The following PMM2 variants were observed in gnomAD, a reference collection of about 807,000 sequenced individuals.
PMM2 encodes the protein phosphomannomutase 2.
A neutral mutation model predicts 33.2 loss-of-function variants in PMM2; 35 were observed. The observed-to-expected ratio is 1.06, with a 90% CI of 0.81 to 1.40. The LOEUF is 1.40. PMM2 is among the 40% of genes most tolerant of loss of function. PMM2 has a pLI of 0.00. For missense variants in PMM2, 386 were observed against 306.0 expected (o/e 1.26, Z -1.95); for synonymous variants, 153 against 114.7 (o/e 1.33, Z -2.13).
intron 7 of PMM2, among the ~76,000 whole-genome samples, chr16:8,821,335 G>A (rs927580713): frequency 2.0e-5 from 3 of 152,160 alleles, no homozygotes; most frequent in Admixed American, 1.3e-4. Context: ...TGGGAGCCAC[G>A]AGCTTCAGAT....
chr16:8,835,241 AGTT>A (rs1020571695), intron 7 of PMM2, among the ~76,000 whole-genome samples: 113 of 151,200 alleles, frequency 7.5e-4, no homozygotes, highest in African/African-American at 2.6e-3. Context: ...GAAGGAAGGG[AGTT>A]GTTGTTTTGT....
chr16:8,805,709 C>T (rs1184096902), intron 3 of PMM2, among the ~76,000 whole-genome samples: 2 of 152,056 alleles, frequency 1.3e-5, no homozygotes, highest in Non-Finnish European at 2.9e-5. Context: ...TCTTGTGCCT[C>T]AGCCTCCCTA....
rs552622761 is a variant in PMM2 at position 8,803,988 on chromosome 16, A to C, written c.179-779A>C. Among the ~76,000 whole-genome samples, 8 of 148,482 alleles carry C rather than the reference A, an allele frequency of 5.4e-5. No homozygotes were observed. In the South Asian group the frequency reaches 1.7e-3, roughly 32 times the overall value. On this transcript the variant is annotated intron_variant, in intron 2 of 7. Coordinates refer to ENST00000268261, the MANE Select transcript of PMM2 (RefSeq NM_000303.3). ...CATGAGTCACCGTGCCTGGCCACCA[A>C]AGGTCTTTTAGTGCTTTGTTTTTTG...
intron 1 of PMM2, among the ~76,000 whole-genome samples, chr16:8,800,157 G>A (rs1322761347): frequency 6.6e-6 from 1 of 151,976 alleles, no homozygotes; most frequent in Admixed American, 6.6e-5. Flanking sequence ...TCAGGAGTTC[G>A]AGACCAGCCT....
At chr16:8,836,174 C>A (rs998764319) in intron 7 of PMM2, among the ~76,000 whole-genome samples, 4 of 151,688 alleles carry the variant, frequency 2.6e-5, no homozygotes, top group Non-Finnish European at 5.9e-5. Context: ...GGGTAGCCTC[C>A]GTATTGATTA....
At chr16:8,814,626 A>G (rs995602741) in intron 7 of PMM2, among the ~76,000 whole-genome samples, 3 of 152,202 alleles carry the variant, frequency 2.0e-5, no homozygotes, top group Non-Finnish European at 2.9e-5. Context: ...AGGGTAAGGG[A>G]TTTGCCGAAG....
chr16:8,802,421 C>T, intron 2 of PMM2: 1 of 392,526 alleles, frequency 2.5e-6, no homozygotes, highest in African/African-American at 2.1e-5. Flanking sequence ...TAGTGTACAA[C>T]CTTGCTAATG....
At chr16:8,818,357 C>T (rs1055367763) in intron 7 of PMM2, among the ~76,000 whole-genome samples, 1 of 152,214 alleles carries the variant, frequency 6.6e-6, no homozygotes, top group Admixed American at 6.5e-5. Context: ...CATCCCTGAT[C>T]CTTTTCGTCA....
chr16:8,824,936 T>C (rs1018287681), intron 7 of PMM2, among the ~76,000 whole-genome samples: 2 of 152,384 alleles, frequency 1.3e-5, no homozygotes, highest in Admixed American at 1.3e-4. Context: ...AAATCTTTCA[T>C]TGTCTCTCTC....
chr16:8,804,042 T>TTTTTG (rs1567157643), intron 2 of PMM2, among the ~76,000 whole-genome samples: 13 of 139,684 alleles, frequency 9.3e-5, no homozygotes, highest in African/African-American at 2.7e-4. Context: ...TTTTTTTTTT[T>TTTTTG]TTTTTTTTTG....
intron 7 of PMM2, among the ~76,000 whole-genome samples, chr16:8,827,719 CATATATATATATATATATATAT>C (rs60052078): frequency 0.45 from 30,226 of 66,948 alleles, 6,242 homozygotes; most frequent in Middle Eastern, 0.58. Context: ...TAAATGTGTG[CATATATATATATATATATATAT>C]ATATATATAT....
chr16:8,806,907 A>C lies in PMM2; in HGVS notation c.347+500A>C, dbSNP rs184927132. 9.7e-5 allele frequency: 16 copies of C among 165,638 alleles called. 1 individual carries two copies. Among genetic ancestry groups the C allele is most frequent in the Admixed American group, 9.2e-4 (16 of 17,416 alleles). The allele number at this position is 165,638 out of a possible 1,614,324, so 10.3% of individuals were successfully genotyped here. On this transcript the variant is annotated intron_variant, in intron 4 of 7. Transcript: ENST00000268261. ...GGAAGCCTTCGGGCCAGATCCACGT[A>C]AAACCCAAATCTGGTTGGCCTGCAG...
chr16:8,836,176 T>C (rs895454818), intron 7 of PMM2, among the ~76,000 whole-genome samples: 2 of 151,552 alleles, frequency 1.3e-5, no homozygotes, highest in Non-Finnish European at 2.9e-5. Flanking sequence ...GTAGCCTCCG[T>C]ATTGATTAAG....
At chr16:8,845,642 G>C (rs551012738) in intron 7 of PMM2, among the ~76,000 whole-genome samples, 1 of 151,864 alleles carries the variant, frequency 6.6e-6, no homozygotes, top group African/African-American at 2.4e-5. Context: ...ACAGTGGTCT[G>C]TTCTTGGCTC....
At chr16:8,800,183 A>T (rs961799048) in intron 1 of PMM2, among the ~76,000 whole-genome samples, 24 of 151,934 alleles carry the variant, frequency 1.6e-4, no homozygotes, top group Non-Finnish European at 3.2e-4. Flanking sequence ...ACATGGTGAA[A>T]CCCAGTCTCT....
intron 4 of PMM2, chr16:8,806,669 T>G (rs1283724137): frequency 3.8e-6 from 2 of 524,460 alleles, no homozygotes; most frequent in Non-Finnish European, 6.9e-6. Flanking sequence ...CGAATTTAAA[T>G]CCGAATCCCA....
intron 7 of PMM2, 199 bp from the exon 8 acceptor site, chr16:8,847,525 C>T (rs777783406): frequency 3.4e-6 from 2 of 588,608 alleles, no homozygotes; most frequent in South Asian, 1.9e-5. Flanking sequence ...AATTGCAGTT[C>T]AAGAGAAGGT....
At chr16:8,825,792 A>G (rs1187406443) in intron 7 of PMM2, among the ~76,000 whole-genome samples, 1 of 128,826 alleles carries the variant, frequency 7.8e-6, no homozygotes, top group African/African-American at 3.0e-5. Context: ...GTCTTGCTCC[A>G]TTGCCCAGGC....
intron 7 of PMM2, among the ~76,000 whole-genome samples, chr16:8,835,129 G>T (rs570089354): frequency 1.7e-4 from 26 of 148,886 alleles, no homozygotes; most frequent in South Asian, 1.5e-3. Context: ...GCAGACATGA[G>T]GGCTAGGCTA....
Sources: gnomAD v4.1 joint callset for allele counts (sites outside exome capture counted in the v4.1 genomes callset) on GRCh38, gnomAD v4.1.1 for gene constraint, MANE v1.5 for transcripts, NCBI Gene and HGNC (gene_info 2026-07-23, HGNC 2026-07-21) for gene names.